The following FRMD8 variants were observed in gnomAD, a reference collection of about 807,000 sequenced individuals.
FRMD8 encodes FERM domain containing 8.
Under a neutral mutation model 54.2 loss-of-function variants are expected in FRMD8, and 37 were observed. The ratio of observed to expected loss-of-function variants is 0.68; its 90% confidence interval spans 0.53 to 0.90. The LOEUF (loss-of-function observed/expected upper bound fraction) is 0.90, where lower values mean the gene tolerates loss of function less well. FRMD8 is among the 40% of genes least tolerant of loss of function. FRMD8 has a pLI of 0.00. For missense variants in FRMD8, 585 were observed against 653.7 expected, an observed-to-expected ratio of 0.89 and a Z score of 1.15; for synonymous variants, 246 against 286.9, an observed-to-expected ratio of 0.86 and a Z score of 1.44.
intron 2 of FRMD8, among the ~76,000 whole-genome samples, chr11:65,387,818 G>T (rs904198089): frequency 2.0e-5 from 3 of 152,192 alleles, no homozygotes; most frequent in South Asian, 4.1e-4. Context: ...GATTACAGGC[G>T]TGAGCCACCA....
chr11:65,376,538 T>G, the FRMD8 span: 46 of 1,614,206 alleles, frequency 2.8e-5, no homozygotes, highest in African/African-American at 5.2e-4. Flanking sequence ...CTGCTCACCA[T>G]GCAGTCCAGC....
chr11:65,377,118 G>A, the FRMD8 span: 2 of 1,589,666 alleles, frequency 1.3e-6, no homozygotes, highest in African/African-American at 1.4e-5. Flanking sequence ...GGGGCTTTGG[G>A]CTGGGAACTG....
In FRMD8 at chr11:65,396,075, C is replaced by T. The variant is rs535032453; in HGVS notation, c.582-724C>T. Among the ~76,000 whole-genome samples the T allele has an allele frequency of 3.3e-5, 5 of 152,300 alleles. No individual in the cohort carries two copies. In the East Asian group the frequency reaches 7.7e-4, roughly 24 times the overall value. Reference sequence around the variant, plus strand: ...CTGCGGGTGCTCAGGGTGGTGGGTTCCTTCCCTTCTGGGGGTGAAGAGGGG... The same window carrying T: ...CTGCGGGTGCTCAGGGTGGTGGGTTTCTTCCCTTCTGGGGGTGAAGAGGGG... On this transcript the variant is annotated intron_variant, in intron 6 of 10. Coordinates refer to ENST00000317568, the MANE Select transcript of FRMD8 (RefSeq NM_031904.5).
the FRMD8 span, among the ~76,000 whole-genome samples, chr11:65,369,323 G>A: frequency 6.6e-6 from 1 of 151,946 alleles, no homozygotes; most frequent in Non-Finnish European, 1.5e-5. Flanking sequence ...AGTGTCTCAT[G>A]CCTGTAATCT....
chr11:65,405,169 C>G (rs1237750922), intron 10 of FRMD8, 101 bp downstream of exon 10: 1 of 1,146,602 alleles, frequency 8.7e-7, no homozygotes, highest in Non-Finnish European at 1.3e-6. Flanking sequence ...AGCTCCAGAC[C>G]CAGTGTGAGC....
At chr11:65,378,784 G>T in the FRMD8 span, 1 of 153,496 alleles carries the variant, frequency 6.5e-6, no homozygotes, top group East Asian at 1.9e-4. Flanking sequence ...ATTCAGCACC[G>T]GTTCCCACTG....
intron 10 of FRMD8, among the ~76,000 whole-genome samples, chr11:65,405,696 G>T (rs1856181307): frequency 6.6e-6 from 1 of 152,050 alleles, no homozygotes; most frequent in Non-Finnish European, 1.5e-5. Flanking sequence ...GTTGAGTGCA[G>T]CTGGTAAAAA....
the FRMD8 span, chr11:65,376,934 C>T: frequency 1.9e-5 from 30 of 1,613,238 alleles, no homozygotes; most frequent in South Asian, 9.9e-5. Flanking sequence ...GAACAGCCCC[C>T]GGGGCCCCTC....
rs1856149636 is a variant in FRMD8 at position 65,404,565 on chromosome 11, C to T, written c.1072-299C>T. 6.6e-6 allele frequency among the ~76,000 whole-genome samples: 1 copy of T among 151,844 alleles called. No individual in the cohort carries two copies. Among genetic ancestry groups the T allele is most frequent in the African/African-American group, 2.4e-5 (1 of 41,298 alleles). ...TCTCTGCAGCAGCTGGCTCCCTACCCCCTCCCTCCCCACCTGCTTCTGCCC... is the reference window on the plus strand; with the variant it reads ...TCTCTGCAGCAGCTGGCTCCCTACCTCCTCCCTCCCCACCTGCTTCTGCCC... On this transcript the variant is annotated intron_variant, in intron 9 of 10. Transcript: ENST00000317568. The surrounding 1 kb of genome is among the most constrained non-coding windows in gnomAD (Gnocchi z 4.7).
the FRMD8 span, chr11:65,377,340 A>G: frequency 2.2e-6 from 3 of 1,341,110 alleles, no homozygotes; most frequent in East Asian, 6.1e-5. Context: ...TGCCTGGCCT[A>G]CAGCAGGCAC....
At chr11:65,376,425 GA>G in the FRMD8 span, 1 of 1,613,752 alleles carries the variant, frequency 6.2e-7, no homozygotes, top group African/African-American at 1.3e-5. Context: ...ACCAGCGGAG[GA>G]GATATTCGTA....
At chr11:65,396,042 C>T (rs1590652275) in intron 6 of FRMD8, among the ~76,000 whole-genome samples, 1 of 152,306 alleles carries the variant, frequency 6.6e-6, no homozygotes, top group African/African-American at 2.4e-5. Context: ...TCTGCAGTGC[C>T]GGGCACACTG....
the FRMD8 span, chr11:65,368,068 TG>T: frequency 0.56 from 57,215 of 102,010 alleles, 16,800 homozygotes; most frequent in South Asian, 0.71. Context: ...TTTTTTTTGG[TG>T]TTTTTTTTTT....
chr11:65,379,910 CGGTA>C, the FRMD8 span: 2 of 1,614,216 alleles, frequency 1.2e-6, no homozygotes, highest in Non-Finnish European at 1.7e-6. Flanking sequence ...AACGATGCCC[CGGTA>C]GGTGGTCTGG....
chr11:65,386,798 C>T (rs1855740900), intron 1 of FRMD8, 37 bp downstream of exon 1: 2 of 546,040 alleles, frequency 3.7e-6, no homozygotes, highest in Non-Finnish European at 6.4e-6. Context: ...GGCCTCCGTC[C>T]CCGGCTGGGC....
rs1855899297 is a variant in FRMD8, at chr11:65,394,250, C to A, written c.415-9C>A. On this transcript the variant is annotated splice_polypyrimidine_tract_variant and intron_variant, in intron 5 of 10. Transcript: ENST00000317568. ...GCTGAGCGGCTGTCCCTGCCACACCCCCCTGCAGATCCATGACGAGGAGGT... is the reference window on the plus strand; with the variant it reads ...GCTGAGCGGCTGTCCCTGCCACACCACCCTGCAGATCCATGACGAGGAGGT... The A allele has an allele frequency of 2.5e-6, 4 of 1,600,052 alleles. No homozygotes were observed. The highest frequency in any genetic ancestry group is 1.3e-5 in the African/African-American group (1 of 74,414).
At position 65,393,838 on chromosome 11, in the gene FRMD8, G is replaced by A. The variant is rs538685812; in HGVS notation, c.355+164G>A. 6.4e-4 allele frequency: 507 copies of A among 786,808 alleles called. 1 individual carries two copies. The African/African-American group carries it at 7.9e-3, about 12-fold the overall frequency. 48.7% of individuals were successfully genotyped at this position (786,808 alleles called of 1,614,324 possible). A position where few individuals can be genotyped will look rare whatever the true frequency, so the allele number is the denominator to read the frequency against. ...GCCACCCCTGGCAGGGGAGGAAGGG[G>A]TCCCTGAGTGAAGCCCCATTGGGGG... On this transcript the variant is annotated intron_variant, in intron 4 of 10. Coordinates refer to ENST00000317568, the MANE Select transcript of FRMD8 (RefSeq NM_031904.5).
At chr11:65,389,778 C>T (rs1451034169) in intron 3 of FRMD8, among the ~76,000 whole-genome samples, 1 of 152,136 alleles carries the variant, frequency 6.6e-6, no homozygotes, top group African/African-American at 2.4e-5. Context: ...CCCCCCAGGT[C>T]GTGCTGGGAC....
At chr11:65,396,662 G>C (rs1855961473) in intron 6 of FRMD8, 137 bp from the exon 7 acceptor site, 1 of 544,450 alleles carries the variant, frequency 1.8e-6, no homozygotes, top group Non-Finnish European at 3.1e-6. Flanking sequence ...GTCTCCCCTT[G>C]TGGGCTCCTT....
Sources: gnomAD v4.1 joint callset for allele counts (sites outside exome capture counted in the v4.1 genomes callset) on GRCh38, gnomAD v4.1.1 for gene constraint, Gnocchi (gnomAD v3.1) non-coding constraint, MANE v1.5 for transcripts, NCBI Gene and HGNC (gene_info 2026-07-23, HGNC 2026-07-21) for gene names.